CASK: variants seen among roughly 807,000 people sequenced by gnomAD.
CASK encodes the protein peripheral plasma membrane protein CASK.
CASK carries 4 observed loss-of-function variants against 82.9 expected under a neutral mutation model. The observed-to-expected ratio is 0.05, with a 90% CI of 0.02 to 0.11. The LOEUF (loss-of-function observed/expected upper bound fraction) is 0.11, where lower values mean the gene tolerates loss of function less well. Among genes scored for constraint, CASK ranks in the 10% least tolerant of loss-of-function variants. The pLI, the probability that CASK is intolerant of heterozygous loss-of-function variation, is 1.00. For missense variants in CASK, 358 were observed against 720.9 expected, an observed-to-expected ratio of 0.50 and a Z score of 5.76; for synonymous variants, 259 against 253.5, an observed-to-expected ratio of 1.02 and a Z score of -0.20.
At chrX:41,582,169 C>A (rs960175927) in intron 14 of CASK, among the ~76,000 whole-genome samples, 2 of 110,110 alleles carry the variant, frequency 1.8e-5, no homozygotes, top group African/African-American at 6.6e-5. Context: ...AAACTCTTAT[C>A]CCCCCTACAG....
intron 8 of CASK, among the ~76,000 whole-genome samples, chrX:41,649,381 TG>T (rs1390778671): frequency 7.1e-5 from 8 of 112,213 alleles, no homozygotes; most frequent in Non-Finnish European, 1.5e-4. Flanking sequence ...TGCTTTCTCT[TG>T]TGGGCATTTA....
At chrX:41,876,089 C>T (rs1161153506) in intron 1 of CASK, among the ~76,000 whole-genome samples, 1 of 111,527 alleles carries the variant, frequency 9.0e-6, no homozygotes, top group Admixed American at 9.6e-5. Flanking sequence ...TTACCATAAT[C>T]TTCCAACAAG....
chrX:41,601,546 T>C (rs1382095312), intron 12 of CASK, among the ~76,000 whole-genome samples: 1 of 111,735 alleles, frequency 8.9e-6, no homozygotes, highest in Non-Finnish European at 1.9e-5. Flanking sequence ...TTTGAATCAG[T>C]GGTAAATTCT....
At chrX:41,533,901 G>A (rs768511744) in intron 24 of CASK, among the ~76,000 whole-genome samples, 1 of 111,238 alleles carries the variant, frequency 9.0e-6, no homozygotes, top group African/African-American at 3.3e-5. Context: ...CAGGTGATTC[G>A]CCCACCTCAG....
At chrX:41,855,951 A>C (rs981239263) in intron 1 of CASK, among the ~76,000 whole-genome samples, 1 of 112,424 alleles carries the variant, frequency 8.9e-6, no homozygotes, top group African/African-American at 3.2e-5. Context: ...GTTTTTAAGC[A>C]AAAAGGTAAA....
intron 1 of CASK, among the ~76,000 whole-genome samples, chrX:41,899,797 G>C (rs890475902): frequency 5.4e-5 from 6 of 111,572 alleles, no homozygotes; most frequent in African/African-American, 2.0e-4. Context: ...AGAGATTTAT[G>C]CACCATCATT....
chrX:41,702,762 C>T (rs1450544649), intron 5 of CASK, among the ~76,000 whole-genome samples: 1 of 112,250 alleles, frequency 8.9e-6, no homozygotes, highest in East Asian at 2.8e-4. Context: ...CCACTGCACT[C>T]CAGCCTGATG....
chrX:41,751,064 T>C (rs949287509), intron 3 of CASK, among the ~76,000 whole-genome samples: 1 of 112,086 alleles, frequency 8.9e-6, no homozygotes, highest in African/African-American at 3.2e-5. Flanking sequence ...AAAAACTGTA[T>C]GAAATGTTTA....
intron 8 of CASK, among the ~76,000 whole-genome samples, chrX:41,643,840 C>T (rs1412326484): frequency 8.9e-6 from 1 of 111,798 alleles, no homozygotes; most frequent in East Asian, 2.8e-4. Flanking sequence ...GAGGGCATTC[C>T]TGTCTTGTGC....
chrX:41,763,496 T>C (rs1207272846), intron 3 of CASK, among the ~76,000 whole-genome samples: 1 of 110,245 alleles, frequency 9.1e-6, no homozygotes, highest in African/African-American at 3.3e-5. Context: ...ACCCTGTCTC[T>C]ACAAAAAAAT....
intron 2 of CASK, among the ~76,000 whole-genome samples, chrX:41,796,387 CTA>C (rs1300344922): frequency 1.8e-5 from 2 of 112,265 alleles, no homozygotes; most frequent in East Asian, 5.5e-4. Context: ...GGAAATCATT[CTA>C]TGTTTAACAA....
At chrX:41,689,401 A>C (rs2067500629) in intron 5 of CASK, among the ~76,000 whole-genome samples, 1 of 112,212 alleles carries the variant, frequency 8.9e-6, no homozygotes, top group South Asian at 3.6e-4. Context: ...GCATGAATTA[A>C]AAGTTATTTT....
At chrX:41,869,831 A>AAAAAAAAAAAAAAAAAAAAT in intron 1 of CASK, among the ~76,000 whole-genome samples, 1 of 103,118 alleles carries the variant, frequency 9.7e-6, no homozygotes, top group Non-Finnish European at 2.0e-5. Context: ...AAAAAAAAAA[A>AAAAAAAAAAAAAAAAAAAAT]AAAAAGCCAA....
At chrX:41,800,808 C>T (rs1252784620) in intron 2 of CASK, among the ~76,000 whole-genome samples, 1 of 111,356 alleles carries the variant, frequency 9.0e-6, no homozygotes, top group Non-Finnish European at 1.9e-5. Context: ...CAATTTCATC[C>T]ATGAAGGGAC....
intron 1 of CASK, among the ~76,000 whole-genome samples, chrX:41,902,085 G>A (rs2072393632): frequency 9.0e-6 from 1 of 111,298 alleles, no homozygotes; most frequent in African/African-American, 3.3e-5. Flanking sequence ...CATGGATGGT[G>A]GGCCTGGGTC....
chrX:41,885,533 T>C (rs983897611), intron 1 of CASK, among the ~76,000 whole-genome samples: 5 of 112,395 alleles, frequency 4.4e-5, no homozygotes, highest in African/African-American at 1.6e-4. Context: ...GTGAATGTCA[T>C]ATATAAAATA....
chrX:41,623,217 A>G (rs1302729812), intron 10 of CASK, among the ~76,000 whole-genome samples: 1 of 111,769 alleles, frequency 8.9e-6, no homozygotes, highest in Non-Finnish European at 1.9e-5. Flanking sequence ...TACACAGTTC[A>G]TCATAAGATT....
intron 2 of CASK, among the ~76,000 whole-genome samples, chrX:41,791,740 A>G (rs2069726199): frequency 1.8e-5 from 2 of 109,132 alleles, no homozygotes; most frequent in African/African-American, 6.7e-5. Context: ...AAAAAAAAAA[A>G]AAGAATAATG....
intron 15 of CASK, among the ~76,000 whole-genome samples, chrX:41,574,399 C>T (rs1253379351): frequency 9.0e-6 from 1 of 111,479 alleles, no homozygotes; most frequent in African/African-American, 3.3e-5. Flanking sequence ...GTCTTGAAAA[C>T]TGTTCTTTCA....
Sources: gnomAD v4.1 joint callset for allele counts (sites outside exome capture counted in the v4.1 genomes callset) on GRCh38, gnomAD v4.1.1 for gene constraint, MANE v1.5 for transcripts, NCBI Gene and HGNC (gene_info 2026-07-23, HGNC 2026-07-21) for gene names.